The following CA10 variants were observed in gnomAD, a reference collection of about 807,000 sequenced individuals.
CA10 encodes carbonic anhydrase 10 (inactive).
In CA10, 14 loss-of-function variants were observed where a neutral mutation model predicts 44.2. The observed-to-expected ratio is 0.32, with a 90% CI of 0.21 to 0.50. The LOEUF (loss-of-function observed/expected upper bound fraction) is 0.50. Among genes scored for constraint, CA10 ranks in the 20% least tolerant of loss-of-function variants. CA10 has a pLI of 0.99. For synonymous variants in CA10, 159 were observed against 141.6 expected (o/e 1.12, Z -0.87); for missense variants, 350 against 409.7 (o/e 0.85, Z 1.26).
Position 52,041,134 on chromosome 17 carries a change from AC to A in CA10, c.136+31184del, listed in dbSNP as rs1357269345. ...CCTACAAGAGATTCCAAGTAGCTTA[AC>A]TGCATACTAGAAGAAAATCCAACAC... On this transcript the variant is annotated intron_variant, in intron 2 of 8. Coordinates refer to ENST00000451037, the MANE Select transcript of CA10 (RefSeq NM_020178.5). Among the ~76,000 whole-genome samples the A allele has an allele frequency of 4.6e-5, 7 of 152,194 alleles. No homozygotes were observed. In the East Asian group the frequency reaches 1.2e-3, roughly 26 times the overall value.
intron 4 of CA10, among the ~76,000 whole-genome samples, chr17:51,745,145 C>T (rs1474310834): frequency 6.6e-6 from 1 of 152,118 alleles, no homozygotes; most frequent in Non-Finnish European, 1.5e-5. Flanking sequence ...GGGACAATTA[C>T]CAATGTGTGT....
chr17:51,651,989 G>T (rs1410898672), intron 5 of CA10, among the ~76,000 whole-genome samples: 1 of 152,214 alleles, frequency 6.6e-6, no homozygotes, highest in Non-Finnish European at 1.5e-5. Context: ...ACAGGAATTT[G>T]CCCTGTGCTT....
chr17:51,957,367 A>G (rs926815261), intron 2 of CA10, among the ~76,000 whole-genome samples: 2 of 152,042 alleles, frequency 1.3e-5, no homozygotes, highest in African/African-American at 4.8e-5. Context: ...GTGGTAGAAC[A>G]TTGGGGTGAA....
At chr17:51,870,949 T>G (rs8071052) in intron 3 of CA10, among the ~76,000 whole-genome samples, 21,047 of 151,846 alleles carry the variant, frequency 0.14, 2,024 homozygotes, top group African/African-American at 0.28. Context: ...GATCATGGGG[T>G]GAAAATGTAC....
intron 2 of CA10, among the ~76,000 whole-genome samples, chr17:52,012,749 T>G (rs1202414120): frequency 6.6e-6 from 1 of 151,938 alleles, no homozygotes; most frequent in Non-Finnish European, 1.5e-5. Flanking sequence ...CAATATCAAA[T>G]AATTCTCTTT....
At chr17:51,905,550 T>A (rs1187622204) in intron 3 of CA10, among the ~76,000 whole-genome samples, 2 of 148,894 alleles carry the variant, frequency 1.3e-5, no homozygotes, top group Admixed American at 1.3e-4. Flanking sequence ...TTTTTTTTTT[T>A]TACAACTCTA....
At chr17:51,724,766 C>A (rs1339550758) in intron 4 of CA10, among the ~76,000 whole-genome samples, 1 of 152,128 alleles carries the variant, frequency 6.6e-6, no homozygotes, top group Non-Finnish European at 1.5e-5. Flanking sequence ...CTAAACCATG[C>A]CTATCCCTGA....
chr17:51,680,469 T>C (rs1385753060), intron 4 of CA10, among the ~76,000 whole-genome samples: 1 of 152,222 alleles, frequency 6.6e-6, no homozygotes, highest in African/African-American at 2.4e-5. Context: ...ACTACATGTG[T>C]ATCCGTGAGC....
intron 3 of CA10, among the ~76,000 whole-genome samples, chr17:51,819,431 C>T (rs1366514349): frequency 6.6e-6 from 1 of 152,158 alleles, no homozygotes; most frequent in East Asian, 1.9e-4. Context: ...AAGCATTAAG[C>T]TTTGATGAAA....
chr17:51,686,570 C>G (rs1400939373), intron 4 of CA10, among the ~76,000 whole-genome samples: 1 of 152,066 alleles, frequency 6.6e-6, no homozygotes, highest in African/African-American at 2.4e-5. Context: ...ATCTTAATGT[C>G]TACACCCTAG....
chr17:51,639,872 T>C lies in CA10; in HGVS notation c.635-3863A>G, dbSNP rs1158102872. 2.0e-5 allele frequency among the ~76,000 whole-genome samples: 3 copies of C among 152,128 alleles called. No homozygotes were observed. The East Asian group carries it at 5.8e-4, about 29-fold the overall frequency. ...AGTTTCTACATTTGCAATAAGCAGA[T>C]GGTTGGAGTACTTTGCTCACGGGGT... On this transcript the variant is annotated intron_variant, in intron 6 of 8. Transcript: ENST00000451037.
intron 3 of CA10, among the ~76,000 whole-genome samples, chr17:51,877,472 C>T (rs1833912618): frequency 6.6e-6 from 1 of 152,184 alleles, no homozygotes; most frequent in Non-Finnish European, 1.5e-5. Context: ...TTACTCTTCC[C>T]TGACCATCCC....
At chr17:51,834,928 G>A (rs1024789906) in intron 3 of CA10, among the ~76,000 whole-genome samples, 2 of 152,064 alleles carry the variant, frequency 1.3e-5, no homozygotes, top group Admixed American at 6.6e-5. Flanking sequence ...AATTCTATTC[G>A]GTCCTCTGAC....
At chr17:51,958,996 G>A (rs1368494925) in intron 2 of CA10, among the ~76,000 whole-genome samples, 2 of 152,036 alleles carry the variant, frequency 1.3e-5, no homozygotes, top group African/African-American at 2.4e-5. Context: ...TATCAATATG[G>A]TATTAAGCTT....
At chr17:51,677,946 T>C (rs1003185088) in intron 4 of CA10, among the ~76,000 whole-genome samples, 2 of 149,902 alleles carry the variant, frequency 1.3e-5, no homozygotes, top group African/African-American at 2.5e-5. Context: ...TGTACACCCA[T>C]GTTCACAGCA....
chr17:51,635,125 T>C (rs1292852923), intron 7 of CA10, among the ~76,000 whole-genome samples: 1 of 152,128 alleles, frequency 6.6e-6, no homozygotes, highest in Non-Finnish European at 1.5e-5. Context: ...GACAAGCTTA[T>C]TGGGGTTAGG....
chr17:51,997,002 G>T (rs764241756), intron 2 of CA10, among the ~76,000 whole-genome samples: 2 of 152,028 alleles, frequency 1.3e-5, no homozygotes, highest in African/African-American at 2.4e-5. Flanking sequence ...GTAGGCTAGG[G>T]GTTCAGAGCT....
intron 3 of CA10, among the ~76,000 whole-genome samples, chr17:51,905,522 A>G (rs1598110300): frequency 7.5e-6 from 1 of 133,988 alleles, no homozygotes; most frequent in Non-Finnish European, 1.5e-5. Context: ...CATCCCTATC[A>G]GTCCTTTTTT....
chr17:52,054,124 C>T (rs553044847), intron 2 of CA10, among the ~76,000 whole-genome samples: 51 of 152,258 alleles, frequency 3.3e-4, no homozygotes, highest in South Asian at 8.3e-4. Flanking sequence ...GTGAGCCAGG[C>T]GGAACAGAGT....
Sources: allele counts gnomAD v4.1 joint callset (sites outside exome capture counted in the v4.1 genomes callset), GRCh38; gene constraint gnomAD v4.1.1; transcripts MANE v1.5; gene names NCBI Gene and HGNC (gene_info 2026-07-23, HGNC 2026-07-21).